The following TANC2 variants were observed in gnomAD, a reference collection of about 807,000 sequenced individuals.
TANC2 encodes the protein protein TANC2.
In TANC2, 26 loss-of-function variants were observed where a neutral mutation model predicts 210.5. The observed-to-expected ratio is 0.12, with a 90% CI of 0.09 to 0.17. TANC2 has a LOEUF of 0.17. Ranked by LOEUF, TANC2 falls within the 10% of genes least tolerant of loss-of-function variation. TANC2 has a pLI of 1.00. For missense variants in TANC2, 2,129 were observed against 2,608.9 expected (o/e 0.82, Z 4.01); for synonymous variants, 931 against 967.1 (o/e 0.96, Z 0.69).
At chr17:63,351,519 G>A (rs550734509) in intron 13 of TANC2, 103 bp downstream of exon 13, 2 of 835,952 alleles carry the variant, frequency 2.4e-6, no homozygotes, top group Non-Finnish European at 3.4e-6. Flanking sequence ...CTATGTCCTA[G>A]AGCATTATGA....
chr17:63,220,467 T>C (rs1468600362), intron 7 of TANC2, among the ~76,000 whole-genome samples: 1 of 150,872 alleles, frequency 6.6e-6, no homozygotes, highest in Non-Finnish European at 1.5e-5. Context: ...TTTGGGAGGC[T>C]GAGGTGGGCA....
intron 17 of TANC2, among the ~76,000 whole-genome samples, chr17:63,393,897 A>C (rs1444191300): frequency 6.6e-6 from 1 of 151,632 alleles, no homozygotes; most frequent in African/African-American, 2.4e-5. Context: ...CACCCTCCGG[A>C]GTAGCTGGGA....
exon 28 of TANC2, chr17:63,424,277 A>G (rs749826890): frequency 1.3e-5 from 2 of 152,170 alleles, no homozygotes; most frequent in Non-Finnish European, 2.9e-5. Context: ...TGGGCAAAAC[A>G]CCTAAAATGT....
chr17:63,116,149 AAC>A (rs1024480930), intron 4 of TANC2, among the ~76,000 whole-genome samples: 2 of 152,246 alleles, frequency 1.3e-5, no homozygotes, highest in Non-Finnish European at 2.9e-5. Context: ...ATGGAAAAGT[AAC>A]ACAGAGATAT....
At chr17:63,334,019 A>G (rs761589138) in intron 11 of TANC2, 9 of 152,184 alleles carry the variant, frequency 5.9e-5, no homozygotes, top group Non-Finnish European at 1.0e-4. Context: ...AAATTGAGTG[A>G]CTCACCTTAT....
chr17:63,163,427 A>G (rs1043130974), intron 5 of TANC2, among the ~76,000 whole-genome samples: 2 of 152,196 alleles, frequency 1.3e-5, no homozygotes, highest in African/African-American at 4.8e-5. Context: ...GAGTAAACCA[A>G]TAGCTATAAT....
chr17:63,176,201 A>G (rs2040573933), intron 5 of TANC2, among the ~76,000 whole-genome samples: 1 of 152,226 alleles, frequency 6.6e-6, no homozygotes, highest in African/African-American at 2.4e-5. Flanking sequence ...TGTGTTTTCC[A>G]AAGAGAAATT....
At position 63,022,030 on chromosome 17, in the gene TANC2, G is replaced by A. The variant is rs559681704; in HGVS notation, c.67+12404G>A. Among the ~76,000 whole-genome samples, 3 of 152,116 alleles carry A rather than the reference G, an allele frequency of 2.0e-5. No homozygotes were observed. In the East Asian group the frequency reaches 5.8e-4, roughly 29 times the overall value. On this transcript the variant is annotated intron_variant, in intron 2 of 27. Transcript: ENST00000689528. ...ATGTGTCCATGCCCTAGGTCTTTAT[G>A]GAAGGTGGAATTTAAGAATGACAAA...
At chr17:63,057,195 T>C (rs1870941359) in intron 2 of TANC2, among the ~76,000 whole-genome samples, 1 of 152,048 alleles carries the variant, frequency 6.6e-6, no homozygotes, top group Non-Finnish European at 1.5e-5. Flanking sequence ...CATAGAAAAA[T>C]AAGAAAAATG....
chr17:63,028,319 G>A (rs2034635877), intron 2 of TANC2, among the ~76,000 whole-genome samples: 1 of 152,062 alleles, frequency 6.6e-6, no homozygotes, highest in African/African-American at 2.4e-5. Flanking sequence ...TACTCTCAGG[G>A]TCTCCAGCTG....
chr17:63,285,940 T>G (rs986915189), intron 9 of TANC2, among the ~76,000 whole-genome samples: 1 of 152,108 alleles, frequency 6.6e-6, no homozygotes, highest in Non-Finnish European at 1.5e-5. Context: ...GAAATCCAAG[T>G]TCCCAGACTC....
At chr17:63,201,177 TAAG>T (rs1567809941) in intron 7 of TANC2, among the ~76,000 whole-genome samples, 3 of 152,200 alleles carry the variant, frequency 2.0e-5, no homozygotes, top group African/African-American at 4.8e-5. Flanking sequence ...TATTCCCTGA[TAAG>T]AAGGAGTGGA....
At chr17:63,115,106 T>G (rs926083261) in intron 4 of TANC2, among the ~76,000 whole-genome samples, 1 of 152,194 alleles carries the variant, frequency 6.6e-6, no homozygotes, top group Non-Finnish European at 1.5e-5. Flanking sequence ...ACCTAAGATA[T>G]TGAATAATTA....
At chr17:63,249,756 A>G (rs1169725371) in intron 8 of TANC2, among the ~76,000 whole-genome samples, 1 of 152,224 alleles carries the variant, frequency 6.6e-6, no homozygotes, top group South Asian at 2.1e-4. Flanking sequence ...GGCTTTATGT[A>G]TCAAGGGTAT....
chr17:63,320,766 T>C (rs2045469622), intron 11 of TANC2, among the ~76,000 whole-genome samples: 1 of 152,206 alleles, frequency 6.6e-6, no homozygotes. Context: ...TGTTCTTGAG[T>C]CTTTTTCATT....
chr17:63,219,542 C>T (rs2042113157), intron 7 of TANC2, among the ~76,000 whole-genome samples: 1 of 152,212 alleles, frequency 6.6e-6, no homozygotes, highest in Non-Finnish European at 1.5e-5. Flanking sequence ...TCCCGAGTAG[C>T]TGGGACTACA....
intron 4 of TANC2, among the ~76,000 whole-genome samples, chr17:63,132,297 A>C (rs1324705595): frequency 6.6e-6 from 1 of 151,890 alleles, no homozygotes; most frequent in Non-Finnish European, 1.5e-5. Flanking sequence ...AATATATTTT[A>C]TTTAGTTTAA....
chr17:63,340,815 C>T (rs2046204363), intron 12 of TANC2, among the ~76,000 whole-genome samples: 1 of 152,164 alleles, frequency 6.6e-6, no homozygotes, highest in Admixed American at 6.5e-5. Flanking sequence ...ACTTTAAAAT[C>T]TACTTAAGGG....
intron 15 of TANC2, among the ~76,000 whole-genome samples, chr17:63,382,219 G>A (rs924831463): frequency 1.6e-4 from 24 of 152,146 alleles, no homozygotes; most frequent in African/African-American, 5.8e-4. Flanking sequence ...GCCTCAGTGC[G>A]GTTCTCAGTG....
Sources: allele counts gnomAD v4.1 joint callset (sites outside exome capture counted in the v4.1 genomes callset), GRCh38; gene constraint gnomAD v4.1.1; transcripts MANE v1.5; gene names NCBI Gene and HGNC (gene_info 2026-07-23, HGNC 2026-07-21).